Variants in NAALADL2 observed in about 807,000 individuals in gnomAD.
NAALADL2 encodes N-acetylated alpha-linked acidic dipeptidase like 2.
In NAALADL2, 76 loss-of-function variants were observed where a neutral mutation model predicts 87.2. That is an observed-to-expected ratio of 0.87 (90% CI 0.72 to 1.05). The LOEUF is 1.05. NAALADL2 is among the 50% of genes least tolerant of loss of function. The pLI, the probability that NAALADL2 is intolerant of heterozygous loss-of-function variation, is 0.00. For missense variants in NAALADL2, 1,089 were observed against 945.8 expected (o/e 1.15, Z -1.99); for synonymous variants, 354 against 331.0 (o/e 1.07, Z -0.75).
At chr3:175,248,505 C>T (rs1748427866) in intron 3 of NAALADL2, among the ~76,000 whole-genome samples, 1 of 152,106 alleles carries the variant, frequency 6.6e-6, no homozygotes, top group Admixed American at 6.5e-5. Context: ...CACATCTTGT[C>T]TCACTTGAAG....
chr3:174,770,757 G>A (rs982437517), intron 3 of NAALADL2, among the ~76,000 whole-genome samples: 6 of 151,634 alleles, frequency 4.0e-5, no homozygotes, highest in Admixed American at 1.3e-4. Flanking sequence ...GGAGAATGGC[G>A]TGAACCGGGA....
intron 4 of NAALADL2, among the ~76,000 whole-genome samples, chr3:175,296,692 G>C (rs898500168): frequency 6.6e-6 from 1 of 152,078 alleles, no homozygotes; most frequent in Non-Finnish European, 1.5e-5. Context: ...TGTTTATTCT[G>C]TGTCAACACT....
chr3:174,473,725 A>G (rs1176931073), intron 1 of NAALADL2, among the ~76,000 whole-genome samples: 1 of 152,146 alleles, frequency 6.6e-6, no homozygotes, highest in Non-Finnish European at 1.5e-5. Context: ...GGACTAAAAA[A>G]TATATGTTCA....
At chr3:175,314,694 A>AGTTCTAAC (rs1307164853) in intron 4 of NAALADL2, among the ~76,000 whole-genome samples, 33 of 82,730 alleles carry the variant, frequency 4.0e-4, no homozygotes, top group African/African-American at 7.6e-4. Flanking sequence ...ATATATATAT[A>AGTTCTAAC]TATATATATA....
At chr3:174,726,943 C>T (rs1051221031) in intron 2 of NAALADL2, among the ~76,000 whole-genome samples, 1 of 152,040 alleles carries the variant, frequency 6.6e-6, no homozygotes, top group African/African-American at 2.4e-5. Flanking sequence ...TAGGCAGAAT[C>T]ATTTTTCTTT....
intron 1 of NAALADL2, among the ~76,000 whole-genome samples, chr3:174,909,563 G>T (rs1424833589): frequency 5.3e-5 from 8 of 152,068 alleles, no homozygotes. Flanking sequence ...CCTACTCCAA[G>T]ATTTCTAATA....
At chr3:175,571,894 C>G (rs959306129) in intron 9 of NAALADL2, among the ~76,000 whole-genome samples, 1 of 152,062 alleles carries the variant, frequency 6.6e-6, no homozygotes, top group African/African-American at 2.4e-5. Context: ...TAGTTAGAAA[C>G]AAAAGCATGA....
At chr3:175,192,163 G>A (rs1217593385) in intron 2 of NAALADL2, among the ~76,000 whole-genome samples, 2 of 152,016 alleles carry the variant, frequency 1.3e-5, no homozygotes, top group Non-Finnish European at 2.9e-5. Flanking sequence ...CCTGGAAATT[G>A]TTGCAAGATG....
chr3:175,759,352 C>A (rs1458916533), intron 13 of NAALADL2, among the ~76,000 whole-genome samples: 1 of 139,914 alleles, frequency 7.1e-6, no homozygotes, highest in Non-Finnish European at 1.6e-5. Flanking sequence ...TCAAGAAAGA[C>A]TTTTTTTTTT....
chr3:175,702,333 T>A (rs2149970830), intron 11 of NAALADL2, among the ~76,000 whole-genome samples: 1 of 152,232 alleles, frequency 6.6e-6, no homozygotes, highest in East Asian at 1.9e-4. Flanking sequence ...TAATATAAAG[T>A]TAATGTTATT....
chr3:175,397,018 C>T (rs1006990951), intron 5 of NAALADL2, among the ~76,000 whole-genome samples: 30 of 152,066 alleles, frequency 2.0e-4, no homozygotes, highest in African/African-American at 7.2e-4. Context: ...GAATTTGAGA[C>T]CTATTTTACA....
chr3:174,704,128 TTTG>T (rs1729836033), intron 2 of NAALADL2, among the ~76,000 whole-genome samples: 2 of 152,152 alleles, frequency 1.3e-5, no homozygotes, highest in African/African-American at 4.8e-5. Context: ...CATAGGGATT[TTTG>T]TTGTTGTTAT....
chr3:174,589,385 G>GGCT (rs1717109475), intron 2 of NAALADL2, among the ~76,000 whole-genome samples: 1 of 151,976 alleles, frequency 6.6e-6, no homozygotes, highest in Non-Finnish European at 1.5e-5. Context: ...CCCACTGTCT[G>GGCT]ACAAGCCCCA....
At chr3:175,758,238 C>T (rs1055546738) in intron 13 of NAALADL2, among the ~76,000 whole-genome samples, 3 of 151,908 alleles carry the variant, frequency 2.0e-5, no homozygotes, top group Non-Finnish European at 2.9e-5. Context: ...CTCAAAGTGT[C>T]GATGGTGATA....
At chr3:174,927,531 A>G (rs1736249905) in intron 1 of NAALADL2, among the ~76,000 whole-genome samples, 1 of 152,174 alleles carries the variant, frequency 6.6e-6, no homozygotes. Context: ...GCACAATCAA[A>G]CTAGAACTCA....
chr3:174,601,050 T>G (rs1297580727), intron 2 of NAALADL2, among the ~76,000 whole-genome samples: 2 of 152,174 alleles, frequency 1.3e-5, no homozygotes, highest in Non-Finnish European at 1.5e-5. Context: ...ACTTCGAGGA[T>G]CTATTCTTTG....
chr3:175,446,527 C>A (rs1720735698), intron 5 of NAALADL2, among the ~76,000 whole-genome samples: 1 of 152,130 alleles, frequency 6.6e-6, no homozygotes, highest in African/African-American at 2.4e-5. Context: ...CAGCCATGAA[C>A]CACCACACCA....
At chr3:175,742,967 T>C (rs1745445430) in intron 12 of NAALADL2, among the ~76,000 whole-genome samples, 1 of 152,096 alleles carries the variant, frequency 6.6e-6, no homozygotes, top group Non-Finnish European at 1.5e-5. Flanking sequence ...GTTTTATGTC[T>C]TACTTCAGAG....
intron 1 of NAALADL2, among the ~76,000 whole-genome samples, chr3:175,017,884 A>T (rs1385590866): frequency 6.6e-6 from 1 of 151,988 alleles, no homozygotes; most frequent in Non-Finnish European, 1.5e-5. Context: ...ACACATTTGC[A>T]TTTTTTAAGT....
Sources: gnomAD v4.1 joint callset for allele counts (sites outside exome capture counted in the v4.1 genomes callset) on GRCh38, gnomAD v4.1.1 for gene constraint, MANE v1.5 for transcripts, NCBI Gene and HGNC (gene_info 2026-07-23, HGNC 2026-07-21) for gene names.